The following PRAG1 variants were observed in gnomAD, a reference collection of about 807,000 sequenced individuals.
The protein encoded by PRAG1 is PEAK1 related, kinase-activating pseudokinase 1, also known as inactive tyrosine-protein kinase PRAG1.
Under a neutral mutation model 95.6 loss-of-function variants are expected in PRAG1, and 110 were observed. The ratio of observed to expected loss-of-function variants is 1.15; its 90% CI spans 0.99 to 1.35. PRAG1 has a LOEUF of 1.35. Among genes scored for constraint, PRAG1 ranks in the 40% most tolerant of loss-of-function variants. The pLI is 0.00. For missense variants in PRAG1, 2,554 were observed against 1,864.7 expected (o/e 1.37, Z -6.81); for synonymous variants, 1,052 against 819.4 (o/e 1.28, Z -4.85).
At chr8:8,375,403 T>C (rs557035718) in intron 3 of PRAG1, among the ~76,000 whole-genome samples, 1 of 151,952 alleles carries the variant, frequency 6.6e-6, no homozygotes, top group Non-Finnish European at 1.5e-5. Context: ...GGGGTTTCAC[T>C]GTGTTAGCCA....
At chr8:8,352,449 C>T (rs1335976811) in intron 3 of PRAG1, among the ~76,000 whole-genome samples, 1 of 152,176 alleles carries the variant, frequency 6.6e-6, no homozygotes, top group Non-Finnish European at 1.5e-5. Context: ...TTCATACTAC[C>T]TCTCAGGGCT....
At chr8:8,370,956 C>T (rs1308493656) in intron 3 of PRAG1, among the ~76,000 whole-genome samples, 2 of 151,934 alleles carry the variant, frequency 1.3e-5, no homozygotes, top group East Asian at 3.9e-4. Context: ...CTGAGCAACA[C>T]GGTGAAACCC....
intron 2 of PRAG1, among the ~76,000 whole-genome samples, chr8:8,379,635 T>C (rs559490309): frequency 6.6e-6 from 1 of 152,382 alleles, no homozygotes; most frequent in African/African-American, 2.4e-5. Flanking sequence ...ACAGCCTTCC[T>C]GACCTACTCA....
intron 1 of PRAG1, among the ~76,000 whole-genome samples, chr8:8,384,436 A>G (rs551872294): frequency 3.9e-4 from 59 of 152,070 alleles, no homozygotes; most frequent in Admixed American, 3.4e-3. Context: ...TAGAGAGGCA[A>G]CTTTCATCAC....
chr8:8,368,921 GAAA>G (rs76544389), intron 3 of PRAG1, among the ~76,000 whole-genome samples: 4 of 115,150 alleles, frequency 3.5e-5, no homozygotes, highest in Admixed American at 9.2e-5. Context: ...TGCTCAGGTT[GAAA>G]AAAAAAAAAA....
At position 8,356,726 on chromosome 8, in the gene PRAG1, A is replaced by T. The variant is rs532262423; in HGVS notation, c.2163-17091T>A. ...ATATAAAACCTCAACATATCCTAAT[A>T]GCCAAAACAATCTAGAAAAAGAACA... is the stretch of plus-strand genomic sequence containing the variant. On this transcript the variant is annotated intron_variant, in intron 3 of 5. Transcript: ENST00000615670. 3.7e-4 allele frequency among the ~76,000 whole-genome samples: 56 copies of T among 152,302 alleles called. 1 individual carries two copies. The Middle Eastern group carries it at 0.024, about 65-fold the overall frequency.
At chr8:8,365,253 T>C (rs1055299974) in intron 3 of PRAG1, among the ~76,000 whole-genome samples, 4 of 152,200 alleles carry the variant, frequency 2.6e-5, no homozygotes, top group African/African-American at 4.8e-5. Flanking sequence ...TGAATTTTCA[T>C]TGTTAAACTA....
chr8:8,356,433 C>A (rs1799685202), intron 3 of PRAG1, among the ~76,000 whole-genome samples: 1 of 152,174 alleles, frequency 6.6e-6, no homozygotes, highest in Non-Finnish European at 1.5e-5. Flanking sequence ...ACAGCCTTGA[C>A]CTCTTGGGTT....
chr8:8,337,482 G>C (rs2976840), intron 4 of PRAG1, among the ~76,000 whole-genome samples: 3 of 151,858 alleles, frequency 2.0e-5, no homozygotes, highest in Non-Finnish European at 4.4e-5. Flanking sequence ...GAGAGAGAGA[G>C]AGAGAAAGAG....
chr8:8,347,198 C>A (rs1007854092), intron 3 of PRAG1, among the ~76,000 whole-genome samples: 6 of 152,196 alleles, frequency 3.9e-5, no homozygotes, highest in Non-Finnish European at 8.8e-5. Context: ...ATCAGTGAGG[C>A]CTCCCCGGCC....
Position 8,376,749 on chromosome 8 carries a change from C to T in PRAG1, c.1660G>A (p.Val554Ile). 2 of 1,610,076 alleles carry T rather than the reference C, an allele frequency of 1.2e-6. No individual in the cohort carries two copies. Among genetic ancestry groups the T allele is most frequent in the African/African-American group, 1.3e-5 (1 of 75,042 alleles). The change falls in exon 3 of 6, where the codon GTA (valine) becomes ATA (isoleucine). Residue 554 changes from valine to isoleucine, a missense_variant. By Grantham distance (29) the Val-to-Ile change is conservative. Transcript: ENST00000615670. ...IPPKLSKSSP[V>I]GSPVSPSAGG... Reference sequence around the variant, plus strand: ...GCAGACGGTGACACCGGGGACCCTACAGGGCTACTCTTGGACAACTTGGGG... The same window carrying T: ...GCAGACGGTGACACCGGGGACCCTATAGGGCTACTCTTGGACAACTTGGGG...
chr8:8,354,029 C>A (rs550411765), intron 3 of PRAG1, among the ~76,000 whole-genome samples: 2 of 150,544 alleles, frequency 1.3e-5, no homozygotes, highest in African/African-American at 4.9e-5. Context: ...CAAGCAAAAT[C>A]AACAAACCCC....
At chr8:8,354,706 T>A (rs968043165) in intron 3 of PRAG1, among the ~76,000 whole-genome samples, 13 of 152,130 alleles carry the variant, frequency 8.5e-5, no homozygotes, top group African/African-American at 2.9e-4. Context: ...AGAAAAAGCA[T>A]TTGACAAGGT....
At chr8:8,360,429 C>T (rs77735661) in intron 3 of PRAG1, among the ~76,000 whole-genome samples, 3,720 of 152,250 alleles carry the variant, frequency 0.024, 150 homozygotes, top group African/African-American at 0.083. Context: ...CTCCTCTTGC[C>T]TCCTCTAGAA....
chr8:8,345,423 T>C (rs1015405327), intron 3 of PRAG1, among the ~76,000 whole-genome samples: 7 of 151,552 alleles, frequency 4.6e-5, no homozygotes, highest in Non-Finnish European at 8.8e-5. Flanking sequence ...TCAGTAGGCA[T>C]TTGGAATGCT....
intron 3 of PRAG1, among the ~76,000 whole-genome samples, chr8:8,374,247 G>C (rs1032581021): frequency 4.6e-5 from 7 of 152,232 alleles, no homozygotes; most frequent in African/African-American, 1.7e-4. Flanking sequence ...GAAGGGACTG[G>C]AGACTCAGTC....
At chr8:8,345,758 G>T (rs530844452) in intron 3 of PRAG1, among the ~76,000 whole-genome samples, 4 of 152,170 alleles carry the variant, frequency 2.6e-5, no homozygotes, top group African/African-American at 7.2e-5. Flanking sequence ...TGGCACCACT[G>T]CACTCCAGCC....
chr8:8,318,327 T>G lies in PRAG1; in HGVS notation c.4048A>C (p.Thr1350Pro). The G allele has an allele frequency of 6.2e-7, 1 of 1,614,124 alleles. No homozygotes were observed. Among genetic ancestry groups the G allele is most frequent in the East Asian group, 2.2e-5 (1 of 44,874 alleles). The change falls in exon 6 of 6, where the codon ACG becomes CCG. Residue 1350 changes from threonine (T) to proline (P), a missense_variant. Physicochemically the swap from Thr to Pro is conservative, Grantham distance 38. Coordinates refer to ENST00000615670, the MANE Select transcript of PRAG1 (RefSeq NM_001080826.3). The surrounding 1 kb of genome is among the most constrained non-coding windows in gnomAD (Gnocchi z 4.2). Reference sequence around the variant, plus strand: ...TTCATGTCGATCCAGTTGTGCAGCGTGCCGCACAGCGCCTCCTCCGAGGTG... The same window carrying G: ...TTCATGTCGATCCAGTTGTGCAGCGGGCCGCACAGCGCCTCCTCCGAGGTG... ...PGTSEEALCG[T>P]LHNWIDMKRA...
At chr8:8,331,928 G>A (rs761210933) in intron 4 of PRAG1, among the ~76,000 whole-genome samples, 6 of 152,148 alleles carry the variant, frequency 3.9e-5, no homozygotes, top group Admixed American at 2.6e-4. Flanking sequence ...CACATGCACT[G>A]ATTAATTTTT....
Sources: allele counts gnomAD v4.1 joint callset (sites outside exome capture counted in the v4.1 genomes callset), GRCh38; gene constraint gnomAD v4.1.1; non-coding constraint Gnocchi (gnomAD v3.1); transcripts MANE v1.5; gene names NCBI Gene and HGNC (gene_info 2026-07-23, HGNC 2026-07-21).